UPP2: variants seen among roughly 807,000 people sequenced by gnomAD.
UPP2 encodes UPase 2.
In UPP2, 23 loss-of-function variants were observed where a neutral mutation model predicts 26.7. The observed-to-expected ratio is 0.86, with a 90% CI of 0.62 to 1.22. The LOEUF is 1.22. Among genes scored for constraint, UPP2 ranks in the 50% most tolerant of loss-of-function variants. The pLI is 0.00. For synonymous variants in UPP2, 127 were observed against 141.3 expected (o/e 0.90, Z 0.72); for missense variants, 387 against 396.7 (o/e 0.98, Z 0.21).
At chr2:158,105,747 G>T (rs143903644) in intron 1 of UPP2, among the ~76,000 whole-genome samples, 5 of 152,316 alleles carry the variant, frequency 3.3e-5, no homozygotes, top group African/African-American at 1.2e-4. Context: ...AGTCAGAACT[G>T]AATAGAAATG....
At chr2:158,097,198 C>T (rs887769093), upstream of UPP2, among the ~76,000 whole-genome samples, 1 of 152,060 alleles carries the variant, frequency 6.6e-6, no homozygotes, top group African/African-American at 2.4e-5. Flanking sequence ...ATAAGTATGA[C>T]ACTTCTTATG....
At chr2:158,026,634 G>A (rs921045658) in intron 3 of UPP2, among the ~76,000 whole-genome samples, 3 of 152,170 alleles carry the variant, frequency 2.0e-5, no homozygotes, top group Admixed American at 6.5e-5. Context: ...CTCCAGGAGA[G>A]TGGCTTCCCA....
chr2:158,120,451 T>A (rs1214881651), intron 4 of UPP2, among the ~76,000 whole-genome samples: 1 of 152,074 alleles, frequency 6.6e-6, no homozygotes, highest in Non-Finnish European at 1.5e-5. Context: ...AAATTTTTAT[T>A]GAGTACCTAT....
At chr2:158,103,716 CAG>C (rs1217613793) in intron 1 of UPP2, among the ~76,000 whole-genome samples, 1 of 152,148 alleles carries the variant, frequency 6.6e-6, no homozygotes, top group East Asian at 1.9e-4. Context: ...GTGAATCACA[CAG>C]AGTTTGTTAA....
intron 4 of UPP2, among the ~76,000 whole-genome samples, chr2:158,118,156 C>G (rs113105787): frequency 1.3e-5 from 2 of 151,952 alleles, no homozygotes; most frequent in African/African-American, 2.4e-5. Flanking sequence ...ATCTCACTGC[C>G]TATTGCGGGA....
At chr2:158,009,971 G>T (rs1683550919) in intron 2 of UPP2, among the ~76,000 whole-genome samples, 1 of 152,174 alleles carries the variant, frequency 6.6e-6, no homozygotes, top group South Asian at 2.1e-4. Flanking sequence ...ACCCAAGGGG[G>T]GAAAAATGAG....
intron 6 of UPP2, among the ~76,000 whole-genome samples, chr2:158,129,152 G>A (rs1206099095): frequency 2.6e-5 from 4 of 151,698 alleles, no homozygotes; most frequent in Non-Finnish European, 5.9e-5. Context: ...ATCATTTAGC[G>A]CCATTGATTC....
At chr2:158,005,773 C>T (rs1003997337) in intron 2 of UPP2, among the ~76,000 whole-genome samples, 5 of 152,142 alleles carry the variant, frequency 3.3e-5, no homozygotes, top group African/African-American at 1.2e-4. Flanking sequence ...GGGGCTCTTC[C>T]GGCTTACAGC....
At chr2:158,062,826 G>A (rs1394667324) in intron 3 of UPP2, among the ~76,000 whole-genome samples, 1 of 152,178 alleles carries the variant, frequency 6.6e-6, no homozygotes, top group African/African-American at 2.4e-5. Context: ...CCAGCATACT[G>A]GCATTCCAAA....
At chr2:158,094,239 C>T (rs1354363970) in intron 3 of UPP2, among the ~76,000 whole-genome samples, 1 of 151,684 alleles carries the variant, frequency 6.6e-6, no homozygotes, top group Non-Finnish European at 1.5e-5. Context: ...GAAATCTTTC[C>T]TTTAAAAAAA....
intron 3 of UPP2, among the ~76,000 whole-genome samples, chr2:158,062,388 C>T (rs1246064954): frequency 2.0e-5 from 3 of 152,052 alleles, no homozygotes; most frequent in Non-Finnish European, 2.9e-5. Flanking sequence ...CCTTGGGGAG[C>T]CAGGAATTCT....
At chr2:158,057,128 G>T (rs1682258225) in intron 3 of UPP2, among the ~76,000 whole-genome samples, 1 of 152,106 alleles carries the variant, frequency 6.6e-6, no homozygotes, top group South Asian at 2.1e-4. Flanking sequence ...TCTTATCAAG[G>T]GTACACAGTG....
intron 3 of UPP2, among the ~76,000 whole-genome samples, chr2:158,026,632 G>T (rs955449442): frequency 1.3e-5 from 2 of 152,152 alleles, no homozygotes; most frequent in African/African-American, 4.8e-5. Flanking sequence ...GGCTCCAGGA[G>T]AGTGGCTTCC....
chr2:158,059,287 C>A (rs1286273374), intron 3 of UPP2, among the ~76,000 whole-genome samples: 1 of 152,224 alleles, frequency 6.6e-6, no homozygotes, highest in Non-Finnish European at 1.5e-5. Flanking sequence ...ATATAATGAA[C>A]TTGACCATCA....
chr2:158,008,168 C>T (rs1574242702), intron 2 of UPP2, among the ~76,000 whole-genome samples: 1 of 152,194 alleles, frequency 6.6e-6, no homozygotes, highest in South Asian at 2.1e-4. Context: ...TTTAAAAAGA[C>T]TTTGTGTGTT....
At chr2:158,072,073 T>C (rs1250588345) in intron 3 of UPP2, among the ~76,000 whole-genome samples, 1 of 152,162 alleles carries the variant, frequency 6.6e-6, no homozygotes, top group Non-Finnish European at 1.5e-5. Flanking sequence ...TTTCTGGACC[T>C]GCCCTGGGCC....
chr2:158,019,080 C>A (rs1056947823), intron 3 of UPP2, among the ~76,000 whole-genome samples: 4 of 152,186 alleles, frequency 2.6e-5, no homozygotes, highest in African/African-American at 9.7e-5. Context: ...CCAGAACAAG[C>A]AAGAATGCTA....
intron 6 of UPP2, among the ~76,000 whole-genome samples, chr2:158,125,388 C>T (rs1035997689): frequency 2.3e-4 from 34 of 150,432 alleles, no homozygotes; most frequent in Admixed American, 2.1e-3. Flanking sequence ...TTGGTAAAAA[C>T]GTGGGAAGAA....
Position 158,000,442 on chromosome 2 carries a change from CAA to C in UPP2, c.61+5184_61+5185del, listed in dbSNP as rs1428607861. Among the ~76,000 whole-genome samples, 5 of 152,362 alleles carry C rather than the reference CAA, an allele frequency of 3.3e-5. No individual in the cohort carries two copies. The East Asian group carries it at 9.6e-4, about 29-fold the overall frequency. ...GGAAAACTGAAGGATAAAACTCACT[CAA>C]GAGACTGGCTGCAGTAGCAAATGAG... On this transcript the variant is annotated intron_variant, in intron 2 of 9. Coordinates refer to the UPP2 transcript ENST00000605860.
Sources: gnomAD v4.1 joint callset for allele counts (sites outside exome capture counted in the v4.1 genomes callset) on GRCh38, gnomAD v4.1.1 for gene constraint, MANE v1.5 for transcripts, NCBI Gene and HGNC (gene_info 2026-07-23, HGNC 2026-07-21) for gene names.